PIGN: variants seen among roughly 807,000 people sequenced by gnomAD.
PIGN encodes GPI ethanolamine phosphate transferase 1.
A neutral mutation model predicts 125.4 loss-of-function variants in PIGN; 117 were observed. The observed-to-expected ratio is 0.93, with a 90% CI of 0.80 to 1.09. PIGN has a LOEUF of 1.09. PIGN is among the 50% of genes least tolerant of loss of function. PIGN has a pLI of 0.00. For synonymous variants in PIGN, 392 were observed against 377.8 expected (o/e 1.04, Z -0.44); for missense variants, 1,075 against 1,094.9 (o/e 0.98, Z 0.26).
intron 30 of PIGN, chr18:62,058,807 C>G (rs547036382): frequency 6.6e-6 from 1 of 152,118 alleles, no homozygotes; most frequent in African/African-American, 2.4e-5. Context: ...AAGGCTGACT[C>G]ATAATTACCA....
At chr18:62,146,375 C>T (rs1377186923) in intron 9 of PIGN, among the ~76,000 whole-genome samples, 1 of 152,142 alleles carries the variant, frequency 6.6e-6, no homozygotes, top group East Asian at 1.9e-4. Context: ...TGGGCAGTAA[C>T]CACCCAAGCT....
chr18:62,050,685 C>A (rs2031200270), intron 30 of PIGN, among the ~76,000 whole-genome samples: 1 of 151,984 alleles, frequency 6.6e-6, no homozygotes, highest in African/African-American at 2.4e-5. Flanking sequence ...AATTGAATAC[C>A]CTTTACTTCC....
chr18:62,101,772 C>T (rs1418867030), intron 21 of PIGN, among the ~76,000 whole-genome samples: 7 of 152,080 alleles, frequency 4.6e-5, no homozygotes, highest in Non-Finnish European at 1.0e-4. Flanking sequence ...ATGAGTTTTG[C>T]TTTTTGTGTG....
chr18:62,088,256 T>C (rs1045638181), intron 25 of PIGN: 1 of 152,226 alleles, frequency 6.6e-6, no homozygotes, highest in Non-Finnish European at 1.5e-5. Context: ...AACTAAGACT[T>C]TCCTCTGCCA....
chr18:62,020,636 A>C (rs1427991409), intron 23 of PIGN, among the ~76,000 whole-genome samples: 2 of 151,962 alleles, frequency 1.3e-5, no homozygotes, highest in African/African-American at 2.4e-5. Context: ...ACTCCTACCT[A>C]CCCATTAGAA....
In PIGN at chr18:62,163,855, T is replaced by TG. The variant is rs1215549820; in HGVS notation, c.-235-200dup. On this transcript the variant is annotated intron_variant, in intron 1 of 30. Transcript: ENST00000640252. ...TCTCCATTCGCCCCTGTCCTAACCC[T>TG]GGGGAACCACTGTTCTACTTTCTAT... Among the ~76,000 whole-genome samples the TG allele has an allele frequency of 3.3e-5, 5 of 152,338 alleles. No homozygotes were observed. The East Asian group carries it at 9.6e-4, about 29-fold the overall frequency.
At chr18:62,154,339 T>C (rs1397816944) in intron 7 of PIGN, 2 of 499,298 alleles carry the variant, frequency 4.0e-6, no homozygotes, top group Non-Finnish European at 6.9e-6. Context: ...CTAGGGCTCA[T>C]TTTACTAATA....
At chr18:62,173,396 A>ATT (rs2037406882) in intron 1 of PIGN, among the ~76,000 whole-genome samples, 1 of 152,074 alleles carries the variant, frequency 6.6e-6, no homozygotes, top group Non-Finnish European at 1.5e-5. Flanking sequence ...CACCTGGCTA[A>ATT]TTTTATTTTA....
chr18:62,157,891 C>A (rs944649397), intron 4 of PIGN, 83 bp from the exon 5 acceptor site: 4 of 1,294,744 alleles, frequency 3.1e-6, no homozygotes, highest in Middle Eastern at 1.9e-4. Context: ...AAGATTATTA[C>A]AGAAGGAATC....
intron 1 of PIGN, among the ~76,000 whole-genome samples, chr18:62,168,757 T>TA (rs1363387702): frequency 6.6e-6 from 1 of 152,050 alleles, no homozygotes; most frequent in African/African-American, 2.4e-5. Flanking sequence ...ACATAAAGTG[T>TA]AATAATCACA....
intron 7 of PIGN, among the ~76,000 whole-genome samples, chr18:62,148,993 T>C (rs1377419489): frequency 1.3e-5 from 2 of 152,182 alleles, no homozygotes; most frequent in Non-Finnish European, 2.9e-5. Flanking sequence ...CTAAGGCAAA[T>C]GATTCACCCT....
chr18:62,065,978 C>T (rs1296372781), intron 30 of PIGN, among the ~76,000 whole-genome samples: 1 of 151,638 alleles, frequency 6.6e-6, no homozygotes, highest in East Asian at 2.0e-4. Flanking sequence ...ATCACTACTT[C>T]CCTGATTTTG....
At chr18:62,117,349 A>G (rs1404604644) in intron 14 of PIGN, among the ~76,000 whole-genome samples, 1 of 152,138 alleles carries the variant, frequency 6.6e-6, no homozygotes, top group East Asian at 1.9e-4. Flanking sequence ...ACAAAACCAA[A>G]TAACAACAAA....
At chr18:62,185,153 C>G (rs1055857907) in intron 1 of PIGN, among the ~76,000 whole-genome samples, 1 of 152,154 alleles carries the variant, frequency 6.6e-6, no homozygotes, top group Non-Finnish European at 1.5e-5. Flanking sequence ...ATGCCCTTCC[C>G]ATGCCATTCA....
intron 23 of PIGN, among the ~76,000 whole-genome samples, chr18:62,026,609 A>G (rs1436439308): frequency 1.3e-5 from 2 of 152,248 alleles, no homozygotes; most frequent in African/African-American, 2.4e-5. Flanking sequence ...TGTCTGGGGT[A>G]ACAATTTTAT....
intron 23 of PIGN, among the ~76,000 whole-genome samples, chr18:62,035,902 G>A (rs1237517360): frequency 6.6e-6 from 1 of 152,196 alleles, no homozygotes; most frequent in Non-Finnish European, 1.5e-5. Context: ...GAAGCTGGAG[G>A]TGAGCTTTTC....
intron 4 of PIGN, chr18:62,158,022 A>G (rs2036804895): frequency 2.1e-6 from 1 of 469,830 alleles, no homozygotes; most frequent in Non-Finnish European, 3.9e-6. Context: ...GTAAGACCAA[A>G]CAAAGAACCA....
intron 1 of PIGN, among the ~76,000 whole-genome samples, chr18:62,180,455 T>A (rs1599704517): frequency 1.3e-5 from 2 of 152,324 alleles, no homozygotes; most frequent in Admixed American, 1.3e-4. Flanking sequence ...CTAATTTACA[T>A]ACTCTCCAGC....
intron 20 of PIGN, among the ~76,000 whole-genome samples, chr18:62,104,388 G>A (rs1217952917): frequency 1.3e-5 from 2 of 152,136 alleles, no homozygotes; most frequent in African/African-American, 4.8e-5. Flanking sequence ...CAAAGGGAAG[G>A]AAAGGGGCTT....
Sources: gnomAD v4.1 joint callset for allele counts (sites outside exome capture counted in the v4.1 genomes callset) on GRCh38, gnomAD v4.1.1 for gene constraint, MANE v1.5 for transcripts, NCBI Gene and HGNC (gene_info 2026-07-23, HGNC 2026-07-21) for gene names.